The following ALDH5A1 variants were observed in gnomAD, a reference collection of about 807,000 sequenced individuals.
The protein encoded by ALDH5A1 is aldehyde dehydrogenase 5 family member A1, also known as succinate-semialdehyde dehydrogenase, mitochondrial.
Under a neutral mutation model 54.7 loss-of-function variants are expected in ALDH5A1, and 33 were observed. The ratio of observed to expected loss-of-function variants is 0.60; its 90% CI spans 0.46 to 0.81. The LOEUF is 0.81. Among genes scored for constraint, ALDH5A1 ranks in the 30% least tolerant of loss-of-function variants. ALDH5A1 has a pLI of 0.00. For synonymous variants in ALDH5A1, 294 were observed against 292.7 expected, an observed-to-expected ratio of 1.00 and a Z score of -0.05; for missense variants, 657 against 711.0, an observed-to-expected ratio of 0.92 and a Z score of 0.86.
intron 3 of ALDH5A1, among the ~76,000 whole-genome samples, chr6:24,504,009 C>T (rs1198292455): frequency 6.6e-6 from 1 of 152,162 alleles, no homozygotes; most frequent in Non-Finnish European, 1.5e-5. Flanking sequence ...CCCATATTAA[C>T]CTCTCTCCTG....
chr6:24,529,803 C>T (rs1032071486), intron 8 of ALDH5A1, among the ~76,000 whole-genome samples: 1 of 150,326 alleles, frequency 6.7e-6, no homozygotes, highest in Non-Finnish European at 1.5e-5. Context: ...TCCTGAGTAG[C>T]TGGGATTACA....
Position 24,535,958 on chromosome 6 carries a change from T to C in ALDH5A1, c.*2246T>C, listed in dbSNP as rs1760038957. ...GCTGGGTGGCAAATTTTGAGTCTTC[T>C]TGCATATTTGGCTCATGGGTTCATA... On this transcript the variant is annotated 3_prime_UTR_variant, in exon 10 of 10. Transcript: ENST00000357578. 6.6e-6 allele frequency: 1 copy of C among 152,260 alleles called. No individual in the cohort carries two copies. The highest frequency in any genetic ancestry group is 1.5e-5 in the Non-Finnish European group (1 of 68,050). The allele number at this position is 152,260 out of a possible 1,614,324, so 9.4% of individuals were successfully genotyped here.
chr6:24,506,775 A>G (rs73728140), intron 4 of ALDH5A1, among the ~76,000 whole-genome samples: 14,739 of 152,232 alleles, frequency 0.097, 1,730 homozygotes, highest in African/African-American at 0.28. Context: ...ATTTACAGAA[A>G]AATTGCATAG....
chr6:24,502,671 G>T (rs1361777900), intron 2 of ALDH5A1, 65 bp downstream of exon 2: 3 of 1,258,834 alleles, frequency 2.4e-6, no homozygotes, highest in South Asian at 2.5e-5. Context: ...CTAAACTTGG[G>T]AAAGCCGCTG....
At chr6:24,504,645 CT>C (rs1235960532) in intron 3 of ALDH5A1, among the ~76,000 whole-genome samples, 2 of 152,228 alleles carry the variant, frequency 1.3e-5, no homozygotes, top group Non-Finnish European at 2.9e-5. Flanking sequence ...TAATTTTTTA[CT>C]GTGTTAAATT....
Position 24,532,123 on chromosome 6 carries a change from G to A in ALDH5A1, c.1348G>A (p.Asp450Asn), listed in dbSNP as rs144177566. ...GACCTATCTTAACTTTGGCAGGTTC[G>A]ATACAGAGGAGGAGGCTATAGCAAT... ...FGPLAPVIKF[D>N]TEEEAIAIAN... is the part of the protein sequence containing the mutation. Residue 450 changes from aspartate to asparagine, a missense_variant, in exon 9 of 10, where the codon GAT becomes AAT. Around this residue, in one of 2 missense-constraint regions of ALDH5A1, gnomAD observed 425 missense variants for 516.4 expected, o/e 0.82. Transcript: ENST00000357578. The A allele has an allele frequency of 3.8e-4, 606 of 1,614,096 alleles. 2 individuals carry two copies. In the African/African-American group the frequency reaches 6.6e-3, roughly 18 times the overall value.
intron 4 of ALDH5A1, 93 bp downstream of exon 4, chr6:24,505,078 C>T (rs1363021090): frequency 3.1e-6 from 4 of 1,296,296 alleles, no homozygotes; most frequent in African/African-American, 2.9e-5. Context: ...GAGCCTACTT[C>T]TTTGCTTACG....
chr6:24,504,144 C>T (rs1339684214), intron 3 of ALDH5A1, among the ~76,000 whole-genome samples: 1 of 152,152 alleles, frequency 6.6e-6, no homozygotes, highest in East Asian at 1.9e-4. Context: ...AATGTGCAAC[C>T]TTGGCCAAAT....
chr6:24,514,806 T>G (rs1759529829), intron 4 of ALDH5A1, among the ~76,000 whole-genome samples: 1 of 152,032 alleles, frequency 6.6e-6, no homozygotes, highest in South Asian at 2.1e-4. Context: ...AGGGTCTTGT[T>G]CTGTTCCCCA....
intron 1 of ALDH5A1, among the ~76,000 whole-genome samples, chr6:24,501,878 TA>T (rs1764824906): frequency 1.8e-4 from 1 of 5,436 alleles, no homozygotes; most frequent in African/African-American, 8.2e-4. Flanking sequence ...CAATGTTTTA[TA>T]TATATATATA....
At chr6:24,523,743 C>T (rs1025780803) in intron 7 of ALDH5A1, among the ~76,000 whole-genome samples, 2 of 152,120 alleles carry the variant, frequency 1.3e-5, no homozygotes, top group Admixed American at 6.5e-5. Flanking sequence ...TGACAAAATC[C>T]CTGTCTAAAA....
chr6:24,503,486 G>T, intron 3 of ALDH5A1, 53 bp downstream of exon 3: 1 of 1,592,702 alleles, frequency 6.3e-7, no homozygotes, highest in South Asian at 1.1e-5. Flanking sequence ...TAGGGAGTTG[G>T]GAAACAATTC....
intron 1 of ALDH5A1, among the ~76,000 whole-genome samples, chr6:24,498,526 G>A (rs1764754734): frequency 6.6e-6 from 1 of 152,178 alleles, no homozygotes; most frequent in South Asian, 2.1e-4. Context: ...GGCGGGTGTT[G>A]GGACCTCTTG....
chr6:24,501,833 A>G (rs1281463934), intron 1 of ALDH5A1, among the ~76,000 whole-genome samples: 3 of 151,920 alleles, frequency 2.0e-5, no homozygotes, highest in Admixed American at 6.6e-5. Flanking sequence ...TGTTTCCCCA[A>G]GCATCTTACT....
In ALDH5A1 at chr6:24,504,252, A is replaced by G. The variant is rs542936491; in HGVS notation, c.610-617A>G. Among the ~76,000 whole-genome samples, 20 of 152,364 alleles carry G rather than the reference A, an allele frequency of 1.3e-4. No individual in the cohort carries two copies. The East Asian group carries it at 3.7e-3, about 28-fold the overall frequency. ...AGGATTTAATTAATTTTAATTTTGA[A>G]GTACTTAGAAAAATACCTGATACAG... On this transcript the variant is annotated intron_variant, in intron 3 of 9. Coordinates refer to ENST00000357578, the MANE Select transcript of ALDH5A1 (RefSeq NM_001080.3).
At chr6:24,528,273 AGTTGT>A (rs1759860973) in intron 8 of ALDH5A1, 107 bp downstream of exon 8, 1 of 1,267,446 alleles carries the variant, frequency 7.9e-7, no homozygotes, top group Non-Finnish European at 1.1e-6. Context: ...GGAGGCAGAC[AGTTGT>A]GTTGAGTCCA....
In ALDH5A1 at chr6:24,520,544, G is replaced by A; in HGVS notation, c.1014G>A (p.Gln338=). 2 of 1,614,044 alleles carry A rather than the reference G, an allele frequency of 1.2e-6. No individual in the cohort carries two copies. The highest frequency in any genetic ancestry group is 3.3e-4 in the Middle Eastern group (2 of 6,040). The change falls in exon 6 of 10, where the codon CAG becomes CAA. Residue 338 remains glutamine (Q), a splice_region_variant and synonymous_variant. Coordinates refer to ENST00000357578, the MANE Select transcript of ALDH5A1 (RefSeq NM_001080.3). ...AMASKFRNTG[Q]TCVCSNQFLV... is the part of the protein sequence containing the mutation. ...CATCTAAATTTAGGAACACTGGACA[G>A]GTGAGTCCTGGAGAGTATTTCAGGA...
Position 24,532,350 on chromosome 6 carries a change from T to C in ALDH5A1, c.1402+173T>C, listed in dbSNP as rs186110616. Among the ~76,000 whole-genome samples the C allele has an allele frequency of 6.8e-3, 1,036 of 152,336 alleles. 6 individuals are homozygous for C. Among genetic ancestry groups the C allele is most frequent in the Non-Finnish European group, 0.012 (796 of 68,024 alleles). On this transcript the variant is annotated intron_variant, in intron 9 of 9. Transcript: ENST00000357578. ...TGGATTTGTGCAAGTATGTGTACTTTTCCCTTGTCCCCATGATACACATTT... is the reference window on the plus strand; with the variant it reads ...TGGATTTGTGCAAGTATGTGTACTTCTCCCTTGTCCCCATGATACACATTT...
rs146571827 is a variant in ALDH5A1, at chr6:24,521,289, G to T, written c.1014+745G>T. 2.0e-5 allele frequency among the ~76,000 whole-genome samples: 3 copies of T among 152,350 alleles called. No individual in the cohort carries two copies. The South Asian group carries it at 6.2e-4, about 32-fold the overall frequency. ...CTTCACAGTTATCAGCTCTACAAAC[G>T]TTGCATTTTAGAGATGAGGAAATGA... is the stretch of plus-strand genomic sequence containing the variant. On this transcript the variant is annotated intron_variant, in intron 6 of 9. Coordinates refer to ENST00000357578, the MANE Select transcript of ALDH5A1 (RefSeq NM_001080.3).
Sources: allele counts gnomAD v4.1 joint callset (sites outside exome capture counted in the v4.1 genomes callset), GRCh38; gene constraint gnomAD v4.1.1; regional missense constraint gnomAD v4.1.1; transcripts MANE v1.5; gene names NCBI Gene and HGNC (gene_info 2026-07-23, HGNC 2026-07-21).